DNAH17: variants seen among roughly 807,000 people sequenced by gnomAD.
DNAH17 encodes the protein dynein axonemal heavy chain 17, also known as axonemal beta dynein heavy chain 17.
A neutral mutation model predicts 485.6 loss-of-function variants in DNAH17; 376 were observed. That is an observed-to-expected ratio of 0.77 (90% CI 0.71 to 0.84). The LOEUF is 0.84. Among genes scored for constraint, DNAH17 ranks in the 40% least tolerant of loss-of-function variants. The probability of loss-of-function intolerance (pLI) is 0.00; values close to 1 mark genes in which losing one functional copy is unlikely to be tolerated. For synonymous variants in DNAH17, 3,031 were observed against 2,405.9 expected (o/e 1.26, Z -7.60); for missense variants, 6,370 against 5,839.3 (o/e 1.09, Z -2.96).
chr17:78,570,884 A>T, intron 6 of DNAH17, 64 bp downstream of exon 6: 18 of 698,190 alleles, frequency 2.6e-5, no homozygotes, highest in Middle Eastern at 3.9e-4. Flanking sequence ...AAAAAGAAAA[A>T]AGAAAAGAAA....
intron 44 of DNAH17, among the ~76,000 whole-genome samples, chr17:78,487,252 G>C (rs991012269): frequency 6.6e-6 from 1 of 152,108 alleles, no homozygotes; most frequent in African/African-American, 2.4e-5. Context: ...CTGAGTCCCT[G>C]GTTTCTCATC....
In DNAH17 at chr17:78,558,168, C is replaced by A. The variant is rs759346385; in HGVS notation, c.2118G>T (p.Glu706Asp). 1.9e-6 allele frequency: 3 copies of A among 1,613,804 alleles called. No individual in the cohort carries two copies. The highest frequency in any genetic ancestry group is 1.1e-5 in the South Asian group (1 of 90,994). The change falls in exon 14 of 81, where the codon GAG (glutamate) becomes GAT (aspartate). Residue 706 changes from glutamate to aspartate, a missense_variant. Transcript: ENST00000389840. ...IPDSAESLFS[E>D]NETFRKFVGN... is the part of the protein sequence containing the mutation. ...CCACAAACTTCCGGAAAGTTTCGTT[C>A]TCTGAGAACAGACTCTCCGCACTGT...
At position 78,479,480 on chromosome 17, in the gene DNAH17, C is replaced by T. The variant is rs1291572789; in HGVS notation, c.7900+5G>A. The T allele has an allele frequency of 1.9e-6, 3 of 1,607,526 alleles. No individual in the cohort carries two copies. The highest frequency in any genetic ancestry group is 1.1e-5 in the South Asian group (1 of 90,788). On this transcript the variant is annotated splice_donor_5th_base_variant and intron_variant, in intron 50 of 80. Transcript: ENST00000389840. ...TGGGAGAGGGGATGAGGCCAGCCAG[C>T]TTACCCAGGGCCGCGGCCACCAGCT...
intron 16 of DNAH17, among the ~76,000 whole-genome samples, chr17:78,550,854 G>T (rs77840704): frequency 6.6e-6 from 1 of 152,194 alleles, no homozygotes; most frequent in Non-Finnish European, 1.5e-5. Flanking sequence ...TTGGACAAGG[G>T]AGGACTCAAA....
intron 16 of DNAH17, among the ~76,000 whole-genome samples, chr17:78,547,746 T>A (rs969266129): frequency 4.6e-5 from 7 of 152,082 alleles, no homozygotes; most frequent in Non-Finnish European, 1.0e-4. Flanking sequence ...GCCTCTCTAG[T>A]AGCTGGGATC....
At chr17:78,531,712 C>T (rs1175820528) in intron 20 of DNAH17, among the ~76,000 whole-genome samples, 1 of 152,186 alleles carries the variant, frequency 6.6e-6, no homozygotes, top group Non-Finnish European at 1.5e-5. Flanking sequence ...TGTGGAATCT[C>T]TTTTTCTATT....
intron 3 of DNAH17, among the ~76,000 whole-genome samples, chr17:78,572,045 GA>G (rs2092366252): frequency 6.6e-6 from 1 of 152,194 alleles, no homozygotes; most frequent in Non-Finnish European, 1.5e-5. Context: ...AAGCGGGAGA[GA>G]ATTAAGTAAA....
intron 13 of DNAH17, among the ~76,000 whole-genome samples, chr17:78,560,371 C>T (rs2092125884): frequency 2.6e-5 from 4 of 152,098 alleles, no homozygotes; most frequent in African/African-American, 7.2e-5. Context: ...CTGAACTTTC[C>T]GGGTTTTAGC....
At chr17:78,571,835 C>CCA (rs2092363245) in intron 3 of DNAH17, 53 bp from the exon 4 acceptor site, 16 of 1,489,852 alleles carry the variant, frequency 1.1e-5, no homozygotes, top group Non-Finnish European at 1.4e-5. Context: ...CACGTGGGTC[C>CCA]CACCAAGCTC....
intron 12 of DNAH17, 134 bp from the exon 13 acceptor site, chr17:78,561,069 A>G: frequency 1.3e-6 from 1 of 796,772 alleles, no homozygotes; most frequent in Non-Finnish European, 2.0e-6. Context: ...CACAGACTGA[A>G]TATGCAAACA....
In DNAH17 at chr17:78,437,648, A is replaced by G; in HGVS notation, c.12026T>C (p.Phe4009Ser). Residue 4009 changes from phenylalanine (F) to serine (S), a missense_variant, in exon 74 of 81, where the codon TTC becomes TCC. Phe to Ser is a radical substitution (Grantham distance 155, BLOSUM62 -2). Transcript: ENST00000389840. ...HANLHKALDLFTQDTLEMCTK... is the reference protein window; with the variant it reads ...HANLHKALDLSTQDTLEMCTK... ...GAGCAGGCGTGGCCCTACCTGGGTGAACAGGTCCAGGGCCTTGTGCAAGTT... is the reference window on the plus strand; with the variant it reads ...GAGCAGGCGTGGCCCTACCTGGGTGGACAGGTCCAGGGCCTTGTGCAAGTT... 3.7e-6 allele frequency: 6 copies of G among 1,606,046 alleles called. No homozygotes were observed. The highest frequency in any genetic ancestry group is 5.1e-6 in the Non-Finnish European group (6 of 1,175,802).
intron 54 of DNAH17, among the ~76,000 whole-genome samples, chr17:78,470,930 T>G (rs1009312087): frequency 6.6e-6 from 1 of 151,974 alleles, no homozygotes; most frequent in Non-Finnish European, 1.5e-5. Context: ...AAATGAAAAG[T>G]TTTTTTTAAA....
At chr17:78,455,915 TCTGTGA>T (rs2087775655) in intron 62 of DNAH17, 79 bp from the exon 63 acceptor site, 15 of 1,215,852 alleles carry the variant, frequency 1.2e-5, no homozygotes, top group Non-Finnish European at 1.7e-5. Context: ...CCTCTGCACC[TCTGTGA>T]ATCTTCAGAG....
chr17:78,569,474 G>C lies in DNAH17; in HGVS notation c.1098C>G (p.Ile366Met). 1 of 1,611,286 alleles carries C rather than the reference G, an allele frequency of 6.2e-7. No individual in the cohort carries two copies. Among genetic ancestry groups the C allele is most frequent in the Non-Finnish European group, 8.5e-7 (1 of 1,178,666 alleles). The change falls in exon 8 of 81, where the codon ATC (isoleucine) becomes ATG (methionine). Residue 366 changes from isoleucine (I) to methionine (M), a missense_variant. By Grantham distance (10) the Ile-to-Met change is conservative (BLOSUM62 1). Coordinates refer to ENST00000389840, the MANE Select transcript of DNAH17 (RefSeq NM_173628.4). Reference protein sequence around the residue: ...EEVLKGLQGEIEEVLSGISLA... With the variant: ...EEVLKGLQGEMEEVLSGISLA... ...GGGAGATGCCACTCAGGACTTCCTC[G>C]ATTTCACCTTGCAGGCCCTTCAGCA... is the stretch of plus-strand genomic sequence containing the variant.
intron 19 of DNAH17, among the ~76,000 whole-genome samples, chr17:78,535,593 A>G (rs2091353114): frequency 6.6e-6 from 1 of 152,150 alleles, no homozygotes; most frequent in African/African-American, 2.4e-5. Context: ...CTCGCTGTAA[A>G]TATATGTTAT....
rs773471519 is a variant in DNAH17 at position 78,566,991 on chromosome 17, G to A, written c.1452+8C>T. 30 of 1,605,828 alleles carry A rather than the reference G, an allele frequency of 1.9e-5. No individual in the cohort carries two copies. The Admixed American group carries it at 5.1e-4, about 27-fold the overall frequency. On this transcript the variant is annotated splice_region_variant and intron_variant, in intron 10 of 80. Coordinates refer to ENST00000389840, the MANE Select transcript of DNAH17 (RefSeq NM_173628.4). ...GTCCAGTTCATCCAACCCTGCCCGA[G>A]GACCTACCGAGTCTCCAGGGTCCAA...
intron 57 of DNAH17, 124 bp downstream of exon 57, chr17:78,462,720 T>C: frequency 1.1e-6 from 1 of 871,672 alleles, no homozygotes. Context: ...GGAAGCGTGC[T>C]CATCTTACTT....
chr17:78,487,722 G>A (rs542762538), intron 44 of DNAH17, among the ~76,000 whole-genome samples: 7 of 152,074 alleles, frequency 4.6e-5, no homozygotes, highest in Non-Finnish European at 8.8e-5. Context: ...ACAGGGTTTC[G>A]CCACGTTGGC....
intron 71 of DNAH17, among the ~76,000 whole-genome samples, chr17:78,442,221 C>G (rs1354070351): frequency 6.6e-6 from 1 of 152,234 alleles, no homozygotes; most frequent in Non-Finnish European, 1.5e-5. Flanking sequence ...GGTCGACTTT[C>G]AGAAGGCTCT....
Sources: allele counts gnomAD v4.1 joint callset (sites outside exome capture counted in the v4.1 genomes callset), GRCh38; gene constraint gnomAD v4.1.1; transcripts MANE v1.5; gene names NCBI Gene and HGNC (gene_info 2026-07-23, HGNC 2026-07-21).